Variants in SCNN1G observed in about 807,000 individuals in gnomAD.
The protein encoded by SCNN1G is epithelial sodium channel subunit gamma.
SCNN1G carries 27 observed loss-of-function variants against 64.6 expected under a neutral mutation model. The observed-to-expected ratio is 0.42, with a 90% CI of 0.31 to 0.58. The LOEUF is 0.58. SCNN1G is among the 20% of genes least tolerant of loss of function. SCNN1G has a pLI of 0.18. For synonymous variants in SCNN1G, 330 were observed against 314.2 expected, an observed-to-expected ratio of 1.05 and a Z score of -0.53; for missense variants, 743 against 823.4, an observed-to-expected ratio of 0.90 and a Z score of 1.19.
At chr16:23,186,630 C>T (rs773370725) in intron 2 of SCNN1G, 42 bp downstream of exon 2, 7 of 1,561,496 alleles carry the variant, frequency 4.5e-6, no homozygotes, top group South Asian at 1.1e-5. Flanking sequence ...GGAGCCAGGC[C>T]CCCCACAGAG....
intron 6 of SCNN1G, among the ~76,000 whole-genome samples, chr16:23,207,500 C>T (rs1177681055): frequency 6.6e-6 from 1 of 152,216 alleles, no homozygotes; most frequent in Non-Finnish European, 1.5e-5. Flanking sequence ...ACTAGAGGCC[C>T]TGCATGCATT....
chr16:23,194,684 A>C (rs1185571644), intron 5 of SCNN1G, among the ~76,000 whole-genome samples: 1 of 152,202 alleles, frequency 6.6e-6, no homozygotes, highest in African/African-American at 2.4e-5. Flanking sequence ...GACGGAGCCG[A>C]AACCCAGCTT....
chr16:23,203,390 T>C (rs1333015254), intron 6 of SCNN1G, among the ~76,000 whole-genome samples: 1 of 152,110 alleles, frequency 6.6e-6, no homozygotes, highest in Non-Finnish European at 1.5e-5. Context: ...AGACTCCATG[T>C]CATTACAAAT....
chr16:23,199,606 T>A (rs913872989), intron 6 of SCNN1G, among the ~76,000 whole-genome samples: 1 of 151,980 alleles, frequency 6.6e-6, no homozygotes, highest in Admixed American at 6.6e-5. Context: ...AAAAATGGTA[T>A]CTGTTATCAT....
intron 7 of SCNN1G, 59 bp downstream of exon 7, chr16:23,209,907 G>T (rs1960052459): frequency 5.7e-6 from 7 of 1,235,082 alleles, no homozygotes; most frequent in Non-Finnish European, 8.4e-6. Context: ...AGGAGACAAA[G>T]TTATATCTAA....
chr16:23,204,332 TATAGAGAGAGAG>T (rs1959952744), intron 6 of SCNN1G, among the ~76,000 whole-genome samples: 1 of 25,130 alleles, frequency 4.0e-5, no homozygotes, highest in African/African-American at 1.6e-4. Context: ...TATATATATA[TATAGAGAGAGAG>T]AGAGAGAGAG....
intron 6 of SCNN1G, among the ~76,000 whole-genome samples, chr16:23,201,902 G>A (rs529959765): frequency 3.2e-4 from 48 of 152,228 alleles, no homozygotes; most frequent in African/African-American, 1.0e-3. Context: ...CAGCAACCTC[G>A]ACCACCTGGG....
chr16:23,202,059 C>T (rs1375327721), intron 6 of SCNN1G, among the ~76,000 whole-genome samples: 1 of 152,192 alleles, frequency 6.6e-6, no homozygotes, highest in Non-Finnish European at 1.5e-5. Context: ...TCAAACAGTC[C>T]TCCCATCTTG....
At chr16:23,195,301 T>G (rs539511334) in intron 5 of SCNN1G, among the ~76,000 whole-genome samples, 1 of 152,306 alleles carries the variant, frequency 6.6e-6, no homozygotes, top group South Asian at 2.1e-4. Context: ...CTACCACCAT[T>G]GCTGCTGCTG....
At chr16:23,190,197 T>C (rs1186973991) in intron 3 of SCNN1G, among the ~76,000 whole-genome samples, 1 of 152,050 alleles carries the variant, frequency 6.6e-6, no homozygotes, top group Non-Finnish European at 1.5e-5. Context: ...CATGTATACC[T>C]TTGTAACAAA....
Position 23,202,342 on chromosome 16 carries a change from G to A in SCNN1G, c.1077+4915G>A, listed in dbSNP as rs114147264. Among the ~76,000 whole-genome samples the A allele has an allele frequency of 6.6e-3, 1,006 of 152,080 alleles. 9 individuals are homozygous for A. The highest frequency in any genetic ancestry group is 0.024 in the African/African-American group (977 of 41,468). On this transcript the variant is annotated intron_variant, in intron 6 of 12. Transcript: ENST00000300061. Reference sequence around the variant, plus strand: ...TGAGTGGGTAGATGGGTAGGTGGATGGATGGCTGGCTGGCTGAATGGATAG... The same window carrying A: ...TGAGTGGGTAGATGGGTAGGTGGATAGATGGCTGGCTGGCTGAATGGATAG...
intron 6 of SCNN1G, among the ~76,000 whole-genome samples, chr16:23,207,426 G>A (rs1251546653): frequency 4.6e-5 from 7 of 152,218 alleles, no homozygotes; most frequent in African/African-American, 1.4e-4. Context: ...AAGGAATTGT[G>A]ACCTCAAGGA....
rs751165472 is a variant in SCNN1G, at chr16:23,215,233, T to C, written c.1714T>C (p.Trp572Arg). The change falls in exon 13 of 13, where the codon TGG (tryptophan) becomes CGG (arginine). Residue 572 changes from tryptophan (W) to arginine (R), a missense_variant. Coordinates refer to ENST00000300061, the MANE Select transcript of SCNN1G (RefSeq NM_001039.4). ...ARRQWQKAKE[W>R]WAWKQAPPCP... The stretch of plus-strand genomic sequence containing the variant: ...CCGCCAGTGGCAGAAAGCCAAGGAG[T>C]GGTGGGCCTGGAAACAGGCTCCCCC... The C allele has an allele frequency of 1.1e-5, 18 of 1,613,568 alleles. No individual in the cohort carries two copies. In the Admixed American group the frequency reaches 1.7e-4, roughly 15 times the overall value.
intron 11 of SCNN1G, 68 bp from the exon 12 acceptor site, chr16:23,214,644 A>C: frequency 8.0e-7 from 1 of 1,247,608 alleles, no homozygotes. Flanking sequence ...GGAGGGAGAC[A>C]GCCATGCTGA....
rs1960154219 is a variant in SCNN1G at position 23,215,997 on chromosome 16, G to A, written c.*528G>A. ...ACTGTTCTTCATCATTGACACTGGA[G>A]AAAGGTGTCCTCCATGCCCTCAGGC... On this transcript the variant is annotated 3_prime_UTR_variant, in exon 13 of 13. Coordinates refer to ENST00000300061, the MANE Select transcript of SCNN1G (RefSeq NM_001039.4). 5.0e-6 allele frequency: 1 copy of A among 199,622 alleles called. No homozygotes were observed. Among genetic ancestry groups the A allele is most frequent in the Non-Finnish European group, 1.0e-5 (1 of 97,144 alleles). 12.4% of individuals were successfully genotyped at this position (199,622 alleles called of 1,614,324 possible).
At chr16:23,194,414 A>G (rs2141932745) in intron 5 of SCNN1G, 140 bp downstream of exon 5, 12 of 697,476 alleles carry the variant, frequency 1.7e-5, no homozygotes, top group South Asian at 1.3e-4. Context: ...CCCTTTTTCT[A>G]TCAGTGTTTC....
intron 3 of SCNN1G, among the ~76,000 whole-genome samples, chr16:23,190,275 GAGAA>G (rs907915902): frequency 2.6e-5 from 4 of 151,114 alleles, no homozygotes; most frequent in African/African-American, 4.9e-5. Context: ...GAAAGAAAGA[GAGAA>G]AGAAAGAAAA....
chr16:23,215,575 G>A lies in SCNN1G; in HGVS notation c.*106G>A, dbSNP rs550094178. The stretch of plus-strand genomic sequence containing the variant: ...ACAGGGGACCCTCTGCCCCACTCTG[G>A]GCTTTTCAGATACTCTGACCAAAAA... On this transcript the variant is annotated 3_prime_UTR_variant, in exon 13 of 13. Transcript: ENST00000300061. 6.2e-3 allele frequency: 8,726 copies of A among 1,396,626 alleles called. 522 individuals are homozygous for A. In the South Asian group the frequency reaches 0.097, roughly 16 times the overall value. 86.5% of individuals were successfully genotyped at this position (1,396,626 alleles called of 1,614,324 possible).
At chr16:23,190,267 A>G (rs1959686065) in intron 3 of SCNN1G, among the ~76,000 whole-genome samples, 1 of 151,820 alleles carries the variant, frequency 6.6e-6, no homozygotes, top group Non-Finnish European at 1.5e-5. Flanking sequence ...TAAAAAAAGA[A>G]AGAAAGAGAG....
Sources: gnomAD v4.1 joint callset for allele counts (sites outside exome capture counted in the v4.1 genomes callset) on GRCh38, gnomAD v4.1.1 for gene constraint, MANE v1.5 for transcripts, NCBI Gene and HGNC (gene_info 2026-07-23, HGNC 2026-07-21) for gene names.